Variants in GSE1 observed in about 807,000 individuals in gnomAD.
GSE1 encodes the protein genetic suppressor element 1.
GSE1 carries 32 observed loss-of-function variants against 112.6 expected under a neutral mutation model. The observed-to-expected ratio is 0.28, with a 90% CI of 0.21 to 0.38. The LOEUF is 0.38. Among genes scored for constraint, GSE1 ranks in the 10% least tolerant of loss-of-function variants. The pLI is 1.00. For missense variants in GSE1, 2,348 were observed against 1,699.2 expected (o/e 1.38, Z -6.71); for synonymous variants, 1,115 against 735.6 (o/e 1.52, Z -8.35).
rs184970559 is a variant in GSE1, at chr16:85,294,752, T to C, written c.2284-62711T>C. Among the ~76,000 whole-genome samples, 623 of 143,858 alleles carry C rather than the reference T, an allele frequency of 4.3e-3. 2 individuals are homozygous for C. Among genetic ancestry groups the C allele is most frequent in the Admixed American group, 5.1e-3 (71 of 13,978 alleles). The allele number at this position is 143,858 out of a possible 152,430, so 94.4% of individuals were successfully genotyped here. Reference sequence around the variant, plus strand: ...CTCCAGCATGGGTGCTTCAGGGTAATTGGGATCCTTGCACAGAAGTCCAGG... The same window carrying C: ...CTCCAGCATGGGTGCTTCAGGGTAACTGGGATCCTTGCACAGAAGTCCAGG... On this transcript the variant is annotated intron_variant, in intron 1 of 2. Coordinates refer to the GSE1 transcript ENST00000637419.
At chr16:85,316,089 C>T (rs2045979916) in intron 1 of GSE1, among the ~76,000 whole-genome samples, 2 of 152,232 alleles carry the variant, frequency 1.3e-5, no homozygotes, top group Admixed American at 1.3e-4. Flanking sequence ...ACTGCTGTTT[C>T]CAAAGGGCGA....
intron 1 of GSE1, among the ~76,000 whole-genome samples, chr16:85,232,559 G>T (rs1904298187): frequency 6.6e-6 from 1 of 152,212 alleles, no homozygotes; most frequent in African/African-American, 2.4e-5. Flanking sequence ...CCAGAGCCCT[G>T]GTCTCCTGCC....
At chr16:85,665,937 T>A (rs1337259485) in intron 12 of GSE1, 39 bp from the exon 13 acceptor site, 2 of 1,605,080 alleles carry the variant, frequency 1.2e-6, no homozygotes, top group Admixed American at 3.3e-5. Context: ...CCTGTTAACT[T>A]GCATTTCTTA....
intron 1 of GSE1, among the ~76,000 whole-genome samples, chr16:85,278,447 A>G (rs551169109): frequency 6.6e-6 from 1 of 152,346 alleles, no homozygotes; most frequent in South Asian, 2.1e-4. Context: ...ATTTAATAAT[A>G]CAGGTTTTAA....
intron 1 of GSE1, among the ~76,000 whole-genome samples, chr16:85,619,371 A>G (rs2048582426): frequency 6.6e-6 from 1 of 150,900 alleles, no homozygotes; most frequent in Non-Finnish European, 1.5e-5. Context: ...GCCGTCCCGA[A>G]GGAAAATCTA....
At chr16:85,611,376 G>A, upstream of GSE1, 1 of 691,414 alleles carries the variant, frequency 1.4e-6, no homozygotes, top group Non-Finnish European at 1.8e-6. Context: ...GGCCAGTGCG[G>A]GTATAAATTA....
rs915858239 is a variant in GSE1 at position 85,655,823 on chromosome 16, C to G, written c.895C>G (p.Leu299Val). The change falls in exon 6 of 16, where the codon CTG becomes GTG. Residue 299 changes from leucine to valine, a missense_variant. Physicochemically the swap from Leu to Val is conservative, Grantham distance 32. Coordinates refer to ENST00000253458, the MANE Select transcript of GSE1 (RefSeq NM_014615.5). ...LPPLHPSAMH[L>V]HLSGVRYPPE... is the part of the protein sequence containing the mutation. ...CCCACTGCACCCATCAGCGATGCACCTGCACCTCTCTGGGGTCCGCTACCC... is the reference window on the plus strand; with the variant it reads ...CCCACTGCACCCATCAGCGATGCACGTGCACCTCTCTGGGGTCCGCTACCC... The G allele has an allele frequency of 3.1e-6, 5 of 1,610,800 alleles. No individual in the cohort carries two copies. The highest frequency in any genetic ancestry group is 4.2e-6 in the Non-Finnish European group (5 of 1,179,236).
At chr16:85,556,984 T>C (rs2045260959) in intron 1 of GSE1, among the ~76,000 whole-genome samples, 1 of 152,082 alleles carries the variant, frequency 6.6e-6, no homozygotes, top group African/African-American at 2.4e-5. Context: ...CCGCTTGCCC[T>C]GTAACTTTCT....
At chr16:85,610,725 A>G (rs1275352159), upstream of GSE1, among the ~76,000 whole-genome samples, 1 of 152,042 alleles carries the variant, frequency 6.6e-6, no homozygotes, top group Admixed American at 6.5e-5. Flanking sequence ...TCGCTCCCCT[A>G]GGCCTACTGG....
intron 2 of GSE1, among the ~76,000 whole-genome samples, chr16:85,400,564 T>C (rs980062527): frequency 5.3e-5 from 8 of 151,290 alleles, no homozygotes; most frequent in African/African-American, 1.9e-4. Context: ...TGCGTGTGGT[T>C]GTGTACCTGT....
intron 1 of GSE1, among the ~76,000 whole-genome samples, chr16:85,620,813 T>G (rs180803255): frequency 1.3e-5 from 2 of 151,908 alleles, no homozygotes; most frequent in Non-Finnish European, 2.9e-5. Flanking sequence ...GCCCTGGGTC[T>G]CTGCTGTGTT....
At chr16:85,404,081 T>A (rs751334476) in intron 2 of GSE1, among the ~76,000 whole-genome samples, 27 of 151,374 alleles carry the variant, frequency 1.8e-4, no homozygotes, top group Non-Finnish European at 3.5e-4. Context: ...AACCAGCTTG[T>A]GATTGGACAC....
chr16:85,257,037 A>C (rs1907158320), intron 1 of GSE1, among the ~76,000 whole-genome samples: 1 of 152,188 alleles, frequency 6.6e-6, no homozygotes. Context: ...TGGGGAGGAC[A>C]TGGGACATAG....
chr16:85,633,603 G>A (rs187862652), intron 1 of GSE1, among the ~76,000 whole-genome samples: 55 of 152,308 alleles, frequency 3.6e-4, no homozygotes, highest in Non-Finnish European at 5.3e-4. Flanking sequence ...TGGGTGATGC[G>A]TGGGATCCTC....
chr16:85,255,092 C>CGGT (rs1906923353), intron 1 of GSE1, among the ~76,000 whole-genome samples: 3 of 152,182 alleles, frequency 2.0e-5, no homozygotes, highest in Admixed American at 2.0e-4. Context: ...AGGGAGGCGG[C>CGGT]GGCGGCGGTC....
chr16:85,344,278 G>T (rs1597445631), intron 1 of GSE1, among the ~76,000 whole-genome samples: 1 of 152,194 alleles, frequency 6.6e-6, no homozygotes, highest in Admixed American at 6.5e-5. Flanking sequence ...TGGGAGAAAG[G>T]CAGGGGGCAT....
In GSE1 at chr16:85,476,371, G is replaced by T. The variant is rs567899138; in HGVS notation, c.2464+118728G>T. Among the ~76,000 whole-genome samples the T allele has an allele frequency of 4.6e-5, 7 of 152,306 alleles. No homozygotes were observed. In the East Asian group the frequency reaches 1.4e-3, roughly 29 times the overall value. On this transcript the variant is annotated intron_variant, in intron 2 of 2. Transcript: ENST00000637419. ...TGGGTTGACGTTCAGGGATGGTGAG[G>T]TTTCTGGGGGTCTTCTAATCCCCCC... is the stretch of plus-strand genomic sequence containing the variant.
At chr16:85,457,341 C>A (rs1165355981) in intron 2 of GSE1, among the ~76,000 whole-genome samples, 5 of 152,186 alleles carry the variant, frequency 3.3e-5, no homozygotes, top group Admixed American at 1.3e-4. Flanking sequence ...CAGCGAGACT[C>A]CCCCCAGACT....
At chr16:85,267,618 A>G (rs972698952) in intron 1 of GSE1, among the ~76,000 whole-genome samples, 1 of 152,152 alleles carries the variant, frequency 6.6e-6, no homozygotes, top group African/African-American at 2.4e-5. Flanking sequence ...AGCACCTGCT[A>G]TGTGCCAGGG....
Sources: allele counts gnomAD v4.1 joint callset (sites outside exome capture counted in the v4.1 genomes callset), GRCh38; gene constraint gnomAD v4.1.1; transcripts MANE v1.5; gene names NCBI Gene and HGNC (gene_info 2026-07-23, HGNC 2026-07-21).